MSI2: variants seen among roughly 807,000 people sequenced by gnomAD.
MSI2 encodes musashi RNA binding protein 2.
Under a neutral mutation model 45.6 loss-of-function variants are expected in MSI2, and 17 were observed. That is an observed-to-expected ratio of 0.37 (90% CI 0.26 to 0.56). The LOEUF is 0.56. MSI2 is among the 20% of genes least tolerant of loss of function. The probability of loss-of-function intolerance (pLI) is 0.77; values close to 1 mark genes in which losing one functional copy is unlikely to be tolerated. For missense variants in MSI2, 293 were observed against 444.2 expected (o/e 0.66, Z 3.06); for synonymous variants, 156 against 158.2 (o/e 0.99, Z 0.11).
At chr17:57,661,418 G>T (rs894467304) in intron 11 of MSI2, among the ~76,000 whole-genome samples, 2 of 152,200 alleles carry the variant, frequency 1.3e-5, no homozygotes, top group Non-Finnish European at 2.9e-5. Context: ...GACAGTCAAG[G>T]TTCTGGGAGA....
chr17:57,380,523 G>A (rs553288406), intron 5 of MSI2, among the ~76,000 whole-genome samples: 1 of 152,326 alleles, frequency 6.6e-6, no homozygotes, highest in African/African-American at 2.4e-5. Context: ...AGAGTGAAGC[G>A]GGGGCAAGCT....
At chr17:57,408,060 C>T (rs2084117403) in intron 6 of MSI2, among the ~76,000 whole-genome samples, 1 of 152,186 alleles carries the variant, frequency 6.6e-6, no homozygotes, top group Non-Finnish European at 1.5e-5. Context: ...GCAGGTAAAC[C>T]CTCCTGCTAA....
chr17:57,596,643 C>T lies in MSI2; in HGVS notation c.455-225C>T, dbSNP rs745335136. Among the ~76,000 whole-genome samples, 12 of 152,294 alleles carry T rather than the reference C, an allele frequency of 7.9e-5. No individual in the cohort carries two copies. The highest frequency in any genetic ancestry group is 6.8e-3 in the Middle Eastern group (2 of 294). ...GGGCAAATGTAAACCACACAGTGCC[C>T]GCTGCATGTGGGTGAAATCATTAAC... On this transcript the variant is annotated intron_variant, in intron 7 of 13. Transcript: ENST00000284073. The surrounding 1 kb of genome is among the most constrained non-coding windows in gnomAD (Gnocchi z 4.6).
chr17:57,649,298 C>G (rs1203904190), intron 10 of MSI2, among the ~76,000 whole-genome samples: 10 of 151,852 alleles, frequency 6.6e-5, no homozygotes, highest in Admixed American at 5.9e-4. Context: ...TCAACAAACA[C>G]AACACACACA....
chr17:57,662,541 C>T (rs886852572), intron 11 of MSI2, among the ~76,000 whole-genome samples: 3 of 152,300 alleles, frequency 2.0e-5, no homozygotes, highest in Non-Finnish European at 4.4e-5. Context: ...AGGATAGTAG[C>T]TTATCTGAAG....
chr17:57,403,796 G>A (rs1443406904), intron 6 of MSI2, among the ~76,000 whole-genome samples: 1 of 152,104 alleles, frequency 6.6e-6, no homozygotes, highest in Non-Finnish European at 1.5e-5. Context: ...TCAAAGTCAG[G>A]GAGACTCTGC....
intron 7 of MSI2, among the ~76,000 whole-genome samples, chr17:57,562,452 G>A (rs1430571372): frequency 6.6e-6 from 1 of 152,200 alleles, no homozygotes; most frequent in Non-Finnish European, 1.5e-5. Context: ...TGAAACCAGG[G>A]ATCTCCCTCT....
At chr17:57,379,242 T>TA (rs943698091) in intron 5 of MSI2, among the ~76,000 whole-genome samples, 4 of 151,572 alleles carry the variant, frequency 2.6e-5, no homozygotes, top group Admixed American at 2.0e-4. Flanking sequence ...GAGAAAAACC[T>TA]AAAAAAACTA....
intron 6 of MSI2, among the ~76,000 whole-genome samples, chr17:57,413,408 C>T (rs1226837398): frequency 6.6e-6 from 1 of 152,042 alleles, no homozygotes; most frequent in Non-Finnish European, 1.5e-5. Context: ...TGCCGGTTGC[C>T]CTGGCTTTGA....
At chr17:57,410,266 A>C (rs4794731) in intron 6 of MSI2, among the ~76,000 whole-genome samples, 108,626 of 151,966 alleles carry the variant, frequency 0.71, 39,506 homozygotes, top group East Asian at 0.89. Flanking sequence ...ATCTTCCTTG[A>C]CCACCTCCAA....
intron 5 of MSI2, among the ~76,000 whole-genome samples, chr17:57,340,372 T>G (rs1048872155): frequency 6.6e-6 from 1 of 152,190 alleles, no homozygotes; most frequent in Non-Finnish European, 1.5e-5. Flanking sequence ...CACTTCTGCA[T>G]CTGCAGAATG....
chr17:57,352,589 G>T (rs554199853), intron 5 of MSI2, among the ~76,000 whole-genome samples: 1 of 152,308 alleles, frequency 6.6e-6, no homozygotes, highest in African/African-American at 2.4e-5. Flanking sequence ...GCTCACAAAG[G>T]TCTGTGATTT....
intron 5 of MSI2, among the ~76,000 whole-genome samples, chr17:57,281,621 A>G (rs2143380912): frequency 6.6e-6 from 1 of 152,292 alleles, no homozygotes. Flanking sequence ...AGAATGCTTT[A>G]AAAAGCCTTG....
At chr17:57,664,864 A>C (rs939425487) in intron 11 of MSI2, among the ~76,000 whole-genome samples, 1 of 152,258 alleles carries the variant, frequency 6.6e-6, no homozygotes, top group East Asian at 1.9e-4. Context: ...TGCTGTTCCT[A>C]ATAGGAACTT....
chr17:57,531,171 C>T (rs1349581298), intron 7 of MSI2, among the ~76,000 whole-genome samples: 1 of 152,140 alleles, frequency 6.6e-6, no homozygotes, highest in Non-Finnish European at 1.5e-5. Flanking sequence ...GGTTTCCAAG[C>T]CGGACTTCCA....
chr17:57,388,910 T>TC (rs1194930710), intron 5 of MSI2, among the ~76,000 whole-genome samples: 2 of 151,634 alleles, frequency 1.3e-5, no homozygotes, highest in African/African-American at 4.8e-5. Flanking sequence ...TGCCTCTGCC[T>TC]CCCAGAGTGC....
At chr17:57,420,609 C>T (rs547974697) in intron 6 of MSI2, among the ~76,000 whole-genome samples, 1 of 152,310 alleles carries the variant, frequency 6.6e-6, no homozygotes, top group Non-Finnish European at 1.5e-5. Flanking sequence ...TCCATCTTTC[C>T]ACCAGCACCC....
intron 6 of MSI2, among the ~76,000 whole-genome samples, chr17:57,520,828 T>C (rs990643071): frequency 2.6e-5 from 4 of 151,734 alleles, no homozygotes; most frequent in African/African-American, 9.7e-5. Context: ...TAAATTTTTT[T>C]TTTTTCTTGT....
chr17:57,333,540 C>T (rs1427855421), intron 5 of MSI2, among the ~76,000 whole-genome samples: 1 of 151,674 alleles, frequency 6.6e-6, no homozygotes, highest in Non-Finnish European at 1.5e-5. Flanking sequence ...TGGGTTCAAG[C>T]GATTCTCCTG....
Sources: gnomAD v4.1 joint callset for allele counts (sites outside exome capture counted in the v4.1 genomes callset) on GRCh38, gnomAD v4.1.1 for gene constraint, Gnocchi (gnomAD v3.1) non-coding constraint, MANE v1.5 for transcripts, NCBI Gene and HGNC (gene_info 2026-07-23, HGNC 2026-07-21) for gene names.